The following KIF26B variants were observed in gnomAD, a reference collection of about 807,000 sequenced individuals.
The protein encoded by KIF26B is kinesin family member 26B.
KIF26B carries 63 observed loss-of-function variants against 151.2 expected under a neutral mutation model. That is an observed-to-expected ratio of 0.42 (90% CI 0.34 to 0.51). The LOEUF is 0.51. Ranked by LOEUF, KIF26B falls within the 20% of genes least tolerant of loss-of-function variation. The probability of loss-of-function intolerance (pLI) is 0.07; values close to 1 mark genes in which losing one functional copy is unlikely to be tolerated. For missense variants in KIF26B, 2,813 were observed against 2,913.6 expected (o/e 0.97, Z 0.79); for synonymous variants, 1,357 against 1,262.1 (o/e 1.08, Z -1.59).
intron 4 of KIF26B, among the ~76,000 whole-genome samples, chr1:245,485,878 G>A (rs1660270693): frequency 6.6e-6 from 1 of 152,206 alleles, no homozygotes; most frequent in African/African-American, 2.4e-5. Context: ...ATAAATAAAT[G>A]AAGGAAGGAG....
chr1:245,578,390 G>A (rs1428207192), intron 5 of KIF26B, among the ~76,000 whole-genome samples: 3 of 152,220 alleles, frequency 2.0e-5, no homozygotes, highest in Non-Finnish European at 4.4e-5. Flanking sequence ...GATTCACAGA[G>A]TTTCTTTGGC....
chr1:245,341,562 T>A (rs1466086645), intron 2 of KIF26B, among the ~76,000 whole-genome samples: 1 of 152,012 alleles, frequency 6.6e-6, no homozygotes, highest in East Asian at 1.9e-4. Context: ...GCTCAAGTGA[T>A]CCTCCCCCCT....
rs773432782 is a variant in KIF26B at position 245,442,195 on chromosome 1, G to T, written c.1166+22450G>T. Among the ~76,000 whole-genome samples, 3 of 152,164 alleles carry T rather than the reference G, an allele frequency of 2.0e-5. 1 individual carries two copies. Among genetic ancestry groups the T allele is most frequent in the Non-Finnish European group, 4.4e-5 (3 of 68,036 alleles). Reference sequence around the variant, plus strand: ...TACCCAGGGCATGCGGCTGACAAGTGGCAGGCTGAAGTCCCCACGCCTGGT... The same window carrying T: ...TACCCAGGGCATGCGGCTGACAAGTTGCAGGCTGAAGTCCCCACGCCTGGT... On this transcript the variant is annotated intron_variant, in intron 4 of 14. Coordinates refer to ENST00000407071, the MANE Select transcript of KIF26B (RefSeq NM_018012.4).
intron 8 of KIF26B, among the ~76,000 whole-genome samples, chr1:245,611,573 A>G (rs1300847284): frequency 6.6e-6 from 1 of 152,274 alleles, no homozygotes; most frequent in Non-Finnish European, 1.5e-5. Flanking sequence ...GTTTCATCCA[A>G]TAAGTATGCT....
chr1:245,429,603 CA>C (rs1364647663), intron 4 of KIF26B, among the ~76,000 whole-genome samples: 4 of 152,044 alleles, frequency 2.6e-5, no homozygotes, highest in Non-Finnish European at 5.9e-5. Context: ...GAAGAGGTTT[CA>C]TTTTTTTGTT....
At chr1:245,192,892 T>A (rs1222194040) in intron 2 of KIF26B, among the ~76,000 whole-genome samples, 1 of 39,210 alleles carries the variant, frequency 2.6e-5, no homozygotes, top group Non-Finnish European at 7.5e-5. Context: ...ACCCAACAGA[T>A]AATTTTTTTT....
intron 2 of KIF26B, among the ~76,000 whole-genome samples, chr1:245,160,544 C>T (rs1050836204): frequency 3.9e-5 from 6 of 152,040 alleles, no homozygotes; most frequent in South Asian, 2.1e-4. Flanking sequence ...GCAAGTCCTA[C>T]GAAACAACAG....
At position 245,218,256 on chromosome 1, in the gene KIF26B, TG is replaced by T. The variant is rs1298919520; in HGVS notation, c.465+61577del. ...GCAGACTGTGCCTGTGGCTTCTCAG[TG>T]GGGTGCCTTAGGGTCCCCTCAGCAG... On this transcript the variant is annotated intron_variant, in intron 2 of 14. Coordinates refer to ENST00000407071, the MANE Select transcript of KIF26B (RefSeq NM_018012.4). The surrounding 1 kb of genome is among the most constrained non-coding windows in gnomAD (Gnocchi z 4.1). 6.6e-6 allele frequency among the ~76,000 whole-genome samples: 1 copy of T among 152,148 alleles called. No individual in the cohort carries two copies. The highest frequency in any genetic ancestry group is 2.1e-4 in the South Asian group (1 of 4,832).
At chr1:245,641,923 A>T (rs748082985) in intron 9 of KIF26B, among the ~76,000 whole-genome samples, 5 of 152,200 alleles carry the variant, frequency 3.3e-5, no homozygotes, top group Non-Finnish European at 7.3e-5. Context: ...TAGTCTTCCT[A>T]GTCTGGCTTT....
At chr1:245,329,290 G>T (rs1041054987) in intron 2 of KIF26B, among the ~76,000 whole-genome samples, 1 of 152,226 alleles carries the variant, frequency 6.6e-6, no homozygotes, top group African/African-American at 2.4e-5. Context: ...CCTCAGGGAA[G>T]TGTCTGCTTT....
intron 2 of KIF26B, among the ~76,000 whole-genome samples, chr1:245,248,270 C>T (rs1670373812): frequency 6.6e-6 from 1 of 152,150 alleles, no homozygotes; most frequent in Non-Finnish European, 1.5e-5. Flanking sequence ...GGACTTTTTG[C>T]AGGGAGCTGC....
intron 4 of KIF26B, among the ~76,000 whole-genome samples, chr1:245,521,204 G>A (rs1320616764): frequency 1.3e-5 from 2 of 151,908 alleles, no homozygotes; most frequent in African/African-American, 2.4e-5. Flanking sequence ...AGGTGTGGTG[G>A]CGAGCACCTG....
At chr1:245,325,839 G>A (rs1015822395) in intron 2 of KIF26B, among the ~76,000 whole-genome samples, 3 of 152,198 alleles carry the variant, frequency 2.0e-5, no homozygotes, top group Non-Finnish European at 2.9e-5. Context: ...GTGGCGGAGG[G>A]GGGGTGGTAT....
chr1:245,547,294 G>T (rs1298661231), intron 5 of KIF26B, among the ~76,000 whole-genome samples: 1 of 152,174 alleles, frequency 6.6e-6, no homozygotes, highest in Non-Finnish European at 1.5e-5. Flanking sequence ...CGTGTATAAA[G>T]AAAGTGTGAG....
In KIF26B at chr1:245,488,485, C is replaced by A. The variant is rs1439363175; in HGVS notation, c.1167-52282C>A. Among the ~76,000 whole-genome samples, 3 of 152,168 alleles carry A rather than the reference C, an allele frequency of 2.0e-5. No individual in the cohort carries two copies. Among genetic ancestry groups the A allele is most frequent in the Non-Finnish European group, 4.4e-5 (3 of 68,024 alleles). The stretch of plus-strand genomic sequence containing the variant: ...AGGACAAGGGACTGAGCCATGACAC[C>A]TGTCACTTCCCGTCTGAGCAGTTCC... On this transcript the variant is annotated intron_variant, in intron 4 of 14. Coordinates refer to ENST00000407071, the MANE Select transcript of KIF26B (RefSeq NM_018012.4). This position sits in a 1 kb window ranked among gnomAD's most constrained non-coding sequence, Gnocchi z 4.6.
intron 10 of KIF26B, among the ~76,000 whole-genome samples, chr1:245,679,576 C>T (rs2044404815): frequency 6.9e-6 from 1 of 145,800 alleles, no homozygotes; most frequent in East Asian, 2.1e-4. Flanking sequence ...TCAGGTGATT[C>T]TCCTGCCTCG....
intron 2 of KIF26B, among the ~76,000 whole-genome samples, chr1:245,177,190 C>G (rs750532944): frequency 6.6e-6 from 1 of 152,184 alleles, no homozygotes; most frequent in African/African-American, 2.4e-5. Context: ...CCTGGCCTCA[C>G]GCCTCCTGCC....
chr1:245,674,838 A>G (rs1192045105), intron 10 of KIF26B, among the ~76,000 whole-genome samples: 1 of 152,200 alleles, frequency 6.6e-6, no homozygotes, highest in African/African-American at 2.4e-5. Flanking sequence ...CAAACTTCAA[A>G]CATGGAGAGC....
At chr1:245,185,065 A>G (rs1312350891) in intron 2 of KIF26B, among the ~76,000 whole-genome samples, 1 of 152,024 alleles carries the variant, frequency 6.6e-6, no homozygotes, top group Non-Finnish European at 1.5e-5. Context: ...CTTCTCTGGG[A>G]TTATGCTAAT....
Sources: gnomAD v4.1 joint callset for allele counts (sites outside exome capture counted in the v4.1 genomes callset) on GRCh38, gnomAD v4.1.1 for gene constraint, Gnocchi (gnomAD v3.1) non-coding constraint, MANE v1.5 for transcripts, NCBI Gene and HGNC (gene_info 2026-07-23, HGNC 2026-07-21) for gene names.